KIAA1217: variants seen among roughly 807,000 people sequenced by gnomAD.
The protein encoded by KIAA1217 is sickle tail protein homolog.
In KIAA1217, 88 loss-of-function variants were observed where a neutral mutation model predicts 163.9. The observed-to-expected ratio is 0.54, with a 90% CI of 0.45 to 0.64. The LOEUF (loss-of-function observed/expected upper bound fraction) is 0.64. Ranked by LOEUF, KIAA1217 falls within the 30% of genes least tolerant of loss-of-function variation. KIAA1217 has a pLI of 0.00. For synonymous variants in KIAA1217, 903 were observed against 923.1 expected, an observed-to-expected ratio of 0.98 and a Z score of 0.39; for missense variants, 2,372 against 2,475.0, an observed-to-expected ratio of 0.96 and a Z score of 0.88.
At chr10:24,244,561 C>CTTTTTTTT (rs11318420) in intron 2 of KIAA1217, among the ~76,000 whole-genome samples, 71 of 85,264 alleles carry the variant, frequency 8.3e-4, no homozygotes, top group South Asian at 2.2e-3. Context: ...TTCTTTCTTT[C>CTTTTTTTT]TTTTTTTTTT....
intron 2 of KIAA1217, among the ~76,000 whole-genome samples, chr10:24,028,769 A>G (rs188582723): frequency 1.3e-4 from 20 of 152,278 alleles, no homozygotes; most frequent in Admixed American, 7.9e-4. Flanking sequence ...TTATTTCAAA[A>G]TCATCTGAGG....
intron 6 of KIAA1217, among the ~76,000 whole-genome samples, chr10:24,491,210 C>T (rs372919214): frequency 2.3e-4 from 35 of 149,752 alleles, no homozygotes; most frequent in African/African-American, 7.4e-4. Flanking sequence ...GTTCTAACCT[C>T]GAGGATGAAT....
chr10:24,494,513 G>A lies in KIAA1217; in HGVS notation c.1693G>A (p.Ala565Thr), dbSNP rs763963603. 6.2e-7 allele frequency: 1 copy of A among 1,613,306 alleles called. No homozygotes were observed. The highest frequency in any genetic ancestry group is 8.5e-7 in the Non-Finnish European group (1 of 1,179,500). ...KDRETRERMQ[A>T]MEKQIASLTG... ...CTTGTTTTACAGAGAGAGGATGCAA[G>A]CCATGGAGAAACAGATTGCCAGTTT... is the stretch of plus-strand genomic sequence containing the variant. Residue 565 changes from alanine to threonine, a missense_variant, in exon 7 of 21, where the codon GCC (alanine) becomes ACC (threonine). By Grantham distance (58) the Ala-to-Thr change is moderately conservative (BLOSUM62 0). This residue lies in a region of KIAA1217 where 1,431 missense variants were observed against 1,470.3 expected (regional missense o/e 0.97). Coordinates refer to ENST00000376454, the MANE Select transcript of KIAA1217 (RefSeq NM_019590.5).
At chr10:24,382,764 G>T (rs1251528535) in intron 3 of KIAA1217, among the ~76,000 whole-genome samples, 1 of 151,788 alleles carries the variant, frequency 6.6e-6, no homozygotes, top group Admixed American at 6.6e-5. Context: ...CCAAGACAGT[G>T]TCAAGATGAC....
At chr10:24,223,887 A>G (rs1414175897) in intron 2 of KIAA1217, among the ~76,000 whole-genome samples, 2 of 125,102 alleles carry the variant, frequency 1.6e-5, no homozygotes, top group South Asian at 5.3e-4. Flanking sequence ...GGAGTGCTTC[A>G]TCATACCCGA....
At chr10:24,202,692 G>A (rs918328405) in intron 2 of KIAA1217, among the ~76,000 whole-genome samples, 5 of 152,134 alleles carry the variant, frequency 3.3e-5, no homozygotes, top group African/African-American at 1.2e-4. Flanking sequence ...CCTCCTGGAA[G>A]CCCTGCCCCC....
chr10:24,506,329 A>T (rs1418330097), intron 9 of KIAA1217, among the ~76,000 whole-genome samples: 1 of 152,202 alleles, frequency 6.6e-6, no homozygotes, highest in Non-Finnish European at 1.5e-5. Flanking sequence ...TGTTGGCAAG[A>T]CTGATAGTCT....
chr10:24,403,928 C>T (rs757219591), intron 3 of KIAA1217, among the ~76,000 whole-genome samples: 9 of 152,112 alleles, frequency 5.9e-5, no homozygotes, highest in Non-Finnish European at 1.0e-4. Flanking sequence ...GGAATAGCCA[C>T]GCTAGAAAGT....
At chr10:24,407,147 A>C (rs2057300611) in intron 3 of KIAA1217, among the ~76,000 whole-genome samples, 1 of 152,206 alleles carries the variant, frequency 6.6e-6, no homozygotes, top group African/African-American at 2.4e-5. Context: ...TCTGAGAGGA[A>C]GATTGGCTTT....
At chr10:24,089,026 T>C (rs1374627797) in intron 2 of KIAA1217, among the ~76,000 whole-genome samples, 6 of 125,866 alleles carry the variant, frequency 4.8e-5, no homozygotes, top group African/African-American at 1.5e-4. Flanking sequence ...GGTTTTGATT[T>C]GCATTTCTCT....
chr10:24,117,347 G>T (rs2063100656), intron 2 of KIAA1217, among the ~76,000 whole-genome samples: 2 of 152,148 alleles, frequency 1.3e-5, no homozygotes, highest in Non-Finnish European at 2.9e-5. Context: ...GCTTTTAAAG[G>T]TGAGTTTTGG....
chr10:23,859,044 C>T (rs1022649946), intron 1 of KIAA1217, among the ~76,000 whole-genome samples: 8 of 152,162 alleles, frequency 5.3e-5, no homozygotes, highest in Admixed American at 2.0e-4. Flanking sequence ...CCCTGACTAC[C>T]GTCTTGGAAA....
intron 2 of KIAA1217, among the ~76,000 whole-genome samples, chr10:24,099,915 C>T (rs1447626449): frequency 6.6e-6 from 1 of 152,010 alleles, no homozygotes; most frequent in African/African-American, 2.4e-5. Flanking sequence ...TGATTCCCAC[C>T]TCAAATGCTG....
chr10:24,544,356 A>C lies in KIAA1217; in HGVS notation c.5086A>C (p.Asn1696His). The change falls in exon 19 of 21, where the codon AAC becomes CAC. Residue 1696 changes from asparagine to histidine, a missense_variant. Physicochemically the swap from Asn to His is moderately conservative, Grantham distance 68. This residue lies in a region of KIAA1217 where 690 missense variants were observed against 677.5 expected (regional missense o/e 1.02). Transcript: ENST00000376454. ...CCTAGTTGATACCTCATGTTCTTCC[A>C]ACAGAGATTCTGTTGCAAGTTCATC... ...KALVDTSCSS[N>H]RDSVASSSHI... is the part of the protein sequence containing the mutation. 6.2e-7 allele frequency: 1 copy of C among 1,614,140 alleles called. No individual in the cohort carries two copies. The highest frequency in any genetic ancestry group is 8.5e-7 in the Non-Finnish European group (1 of 1,180,040).
chr10:23,825,226 C>T (rs1564454372), intron 1 of KIAA1217, among the ~76,000 whole-genome samples: 1 of 152,186 alleles, frequency 6.6e-6, no homozygotes, highest in Non-Finnish European at 1.5e-5. Flanking sequence ...TGTAATATAT[C>T]ATTGCATAAC....
At chr10:24,371,190 G>A (rs181464722) in intron 2 of KIAA1217, among the ~76,000 whole-genome samples, 14 of 152,312 alleles carry the variant, frequency 9.2e-5, no homozygotes, top group African/African-American at 3.4e-4. Context: ...CAGACAGGTG[G>A]CAGGTTGATG....
chr10:23,769,958 C>A (rs1834721480), intron 1 of KIAA1217, among the ~76,000 whole-genome samples: 1 of 152,184 alleles, frequency 6.6e-6, no homozygotes, highest in African/African-American at 2.4e-5. Context: ...ACTCAGTTCC[C>A]TTTTAACTCA....
rs764887032 is a variant in KIAA1217, at chr10:24,543,122, T to TA, written c.3856dup (p.Ile1286AsnfsTer10). ...TAGAAGATGAAATAAACAAAGGGTCTAAAATCTCAGGCCTGCAATACTCTA... is the reference window on the plus strand; with the variant it reads ...TAGAAGATGAAATAAACAAAGGGTCTAAAAATCTCAGGCCTGCAATACTCTA... On this transcript the variant is annotated frameshift_variant, in exon 19 of 21. Coordinates refer to ENST00000376454, the MANE Select transcript of KIAA1217 (RefSeq NM_019590.5). LOFTEE classifies it high-confidence loss of function. The TA allele has an allele frequency of 6.2e-7, 1 of 1,613,398 alleles. No individual in the cohort carries two copies. Among genetic ancestry groups the TA allele is most frequent in the Non-Finnish European group, 8.5e-7 (1 of 1,179,964 alleles).
At position 24,049,648 on chromosome 10, in the gene KIAA1217, T is replaced by C. The variant is rs192427810; in HGVS notation, c.-171+42274T>C. ...CAAAGGACATGAACTCATCCTTTTT[T>C]ATGGCTGCATAGTATCTCATGGTAT... On this transcript the variant is annotated intron_variant, in intron 2 of 18. Transcript: ENST00000376462. Among the ~76,000 whole-genome samples, 111 of 152,328 alleles carry C rather than the reference T, an allele frequency of 7.3e-4. No individual in the cohort carries two copies. The East Asian group carries it at 0.014, about 19-fold the overall frequency.
Sources: gnomAD v4.1 joint callset for allele counts (sites outside exome capture counted in the v4.1 genomes callset) on GRCh38, gnomAD v4.1.1 for gene constraint, gnomAD v4.1.1 regional missense constraint, MANE v1.5 for transcripts, NCBI Gene and HGNC (gene_info 2026-07-23, HGNC 2026-07-21) for gene names.